The following PARN variants were observed in gnomAD, a reference collection of about 807,000 sequenced individuals.
The protein encoded by PARN is poly(A)-specific ribonuclease.
A neutral mutation model predicts 102.8 loss-of-function variants in PARN; 71 were observed. The ratio of observed to expected loss-of-function variants is 0.69; its 90% CI spans 0.57 to 0.84. PARN has a LOEUF of 0.84. Among genes scored for constraint, PARN ranks in the 40% least tolerant of loss-of-function variants. The probability of loss-of-function intolerance (pLI) is 0.00; values close to 1 mark genes in which losing one functional copy is unlikely to be tolerated. For synonymous variants in PARN, 261 were observed against 252.9 expected (o/e 1.03, Z -0.30); for missense variants, 782 against 760.9 (o/e 1.03, Z -0.33).
In PARN at chr16:14,593,492, TAAAAAAAAAAAAAAA is replaced by T. The variant is rs35329440; in HGVS notation, c.841-129_841-115del. On this transcript the variant is annotated intron_variant, in intron 12 of 23. Coordinates refer to ENST00000437198, the MANE Select transcript of PARN (RefSeq NM_002582.4). ...TTGTACTAAACTCGCTTTCCAGACT[TAAAAAAAAAAAAAAA>T]AAAAAAAAAAAAAAAAGTACAAATA... 73 of 31,804 alleles carry T rather than the reference TAAAAAAAAAAAAAAA, an allele frequency of 2.3e-3. No individual in the cohort carries two copies. In the South Asian group the frequency reaches 0.031, roughly 14 times the overall value. 2.0% of individuals were successfully genotyped at this position (31,804 alleles called of 1,614,324 possible). A position where few individuals can be genotyped will look rare whatever the true frequency, so the allele number is the denominator to read the frequency against.
chr16:14,586,492 A>C, intron 13 of PARN, 131 bp from the exon 14 acceptor site: 2 of 578,644 alleles, frequency 3.5e-6, no homozygotes, highest in Non-Finnish European at 6.2e-6. Flanking sequence ...AAACTACAAA[A>C]CCCATTTCTA....
intron 23 of PARN, among the ~76,000 whole-genome samples, chr16:14,440,013 G>A (rs977840699): frequency 4.6e-5 from 7 of 151,678 alleles, no homozygotes; most frequent in African/African-American, 1.7e-4. Context: ...AGACTGTCTC[G>A]AAAACAACAA....
intron 12 of PARN, among the ~76,000 whole-genome samples, chr16:14,599,100 T>C (rs532527037): frequency 7.3e-5 from 10 of 137,190 alleles, no homozygotes; most frequent in African/African-American, 8.2e-5. Context: ...TGGGGTGCAA[T>C]GGCGTGATCA....
At chr16:14,522,559 G>A in intron 21 of PARN, among the ~76,000 whole-genome samples, 1 of 152,148 alleles carries the variant, frequency 6.6e-6, no homozygotes, top group Non-Finnish European at 1.5e-5. Context: ...TGTAAAGCCA[G>A]GGCTTAAGAG....
intron 18 of PARN, among the ~76,000 whole-genome samples, chr16:14,557,228 C>G (rs929462475): frequency 6.6e-6 from 1 of 151,980 alleles, no homozygotes; most frequent in East Asian, 1.9e-4. Context: ...TTTGGCTTCA[C>G]GGACCCACAG....
chr16:14,461,689 T>G (rs1239560207), intron 22 of PARN, among the ~76,000 whole-genome samples: 1 of 152,260 alleles, frequency 6.6e-6, no homozygotes, highest in Non-Finnish European at 1.5e-5. Flanking sequence ...CGTGGTCAGC[T>G]AATTCTTCTT....
At chr16:14,552,412 G>T (rs1967364774) in intron 20 of PARN, among the ~76,000 whole-genome samples, 1 of 152,170 alleles carries the variant, frequency 6.6e-6, no homozygotes, top group African/African-American at 2.4e-5. Context: ...TAGGATTAGG[G>T]ACTTATTTTC....
At chr16:14,521,371 C>T (rs1447750319) in intron 21 of PARN, among the ~76,000 whole-genome samples, 1 of 152,228 alleles carries the variant, frequency 6.6e-6, no homozygotes, top group Non-Finnish European at 1.5e-5. Context: ...CATCCTCCAG[C>T]CCGGCAAATC....
At chr16:14,609,247 T>C (rs1369725755) in intron 7 of PARN, 124 bp from the exon 8 acceptor site, 2 of 585,418 alleles carry the variant, frequency 3.4e-6, no homozygotes, top group Non-Finnish European at 6.0e-6. Context: ...TTCTACCAAA[T>C]TACCCTAGAA....
At chr16:14,624,922 T>C (rs1972549833) in intron 5 of PARN, among the ~76,000 whole-genome samples, 1 of 151,982 alleles carries the variant, frequency 6.6e-6, no homozygotes, top group African/African-American at 2.4e-5. Flanking sequence ...TGATGGTGCA[T>C]GCCTGTAATA....
intron 9 of PARN, among the ~76,000 whole-genome samples, chr16:14,607,930 T>C (rs914470109): frequency 6.6e-6 from 1 of 152,228 alleles, no homozygotes; most frequent in Non-Finnish European, 1.5e-5. Flanking sequence ...ATCCATAGTC[T>C]CACCCTAAGT....
At chr16:14,466,721 A>C (rs1346321803) in intron 22 of PARN, among the ~76,000 whole-genome samples, 1 of 152,252 alleles carries the variant, frequency 6.6e-6, no homozygotes, top group Non-Finnish European at 1.5e-5. Flanking sequence ...TACATTCCAC[A>C]ATCATTAACA....
intron 13 of PARN, among the ~76,000 whole-genome samples, chr16:14,586,761 G>A (rs773911676): frequency 6.6e-6 from 1 of 152,152 alleles, no homozygotes. Context: ...GAGACAAGCA[G>A]AGTCATTTAA....
At chr16:14,556,562 C>T (rs1373414723) in intron 18 of PARN, among the ~76,000 whole-genome samples, 2 of 152,178 alleles carry the variant, frequency 1.3e-5, no homozygotes, top group African/African-American at 4.8e-5. Flanking sequence ...AAACTGGCAT[C>T]CTCAACAGTT....
chr16:14,568,350 C>T (rs1156740626), intron 18 of PARN, among the ~76,000 whole-genome samples: 1 of 150,870 alleles, frequency 6.6e-6, no homozygotes, highest in Non-Finnish European at 1.5e-5. Context: ...GTAGCTGGGA[C>T]TACAGGTACC....
At chr16:14,448,410 G>T (rs1166033515) in intron 22 of PARN, among the ~76,000 whole-genome samples, 1 of 152,028 alleles carries the variant, frequency 6.6e-6, no homozygotes, top group Non-Finnish European at 1.5e-5. Context: ...GCCTCCCAAA[G>T]TGCTGGGATT....
At chr16:14,620,740 G>GATAACCAC (rs1972243438) in intron 5 of PARN, among the ~76,000 whole-genome samples, 1 of 152,118 alleles carries the variant, frequency 6.6e-6, no homozygotes, top group East Asian at 1.9e-4. Context: ...TCTCTATTCT[G>GATAACCAC]GGGAAAGCTA....
At chr16:14,555,817 A>G (rs368838336) in intron 18 of PARN, 108 bp from the exon 19 acceptor site, 1 of 531,874 alleles carries the variant, frequency 1.9e-6, no homozygotes. Flanking sequence ...GGCATTTATT[A>G]TATCTTTTGT....
intron 22 of PARN, 95 bp downstream of exon 22, chr16:14,482,543 A>C: frequency 1.0e-6 from 1 of 968,486 alleles, no homozygotes; most frequent in Non-Finnish European, 1.5e-6. Context: ...ATCTTTCCCA[A>C]AAGTCAGATT....
Sources: gnomAD v4.1 joint callset for allele counts (sites outside exome capture counted in the v4.1 genomes callset) on GRCh38, gnomAD v4.1.1 for gene constraint, MANE v1.5 for transcripts, NCBI Gene and HGNC (gene_info 2026-07-23, HGNC 2026-07-21) for gene names.